Variants in HDLBP observed in about 807,000 individuals in gnomAD.
The protein encoded by HDLBP is vigilin.
HDLBP carries 30 observed loss-of-function variants against 137.3 expected under a neutral mutation model. The observed-to-expected ratio is 0.22, with a 90% confidence interval of 0.16 to 0.30. The LOEUF (loss-of-function observed/expected upper bound fraction) is 0.30. HDLBP is among the 10% of genes least tolerant of loss of function. The pLI is 1.00. For synonymous variants in HDLBP, 606 were observed against 596.0 expected (o/e 1.02, Z -0.24); for missense variants, 1,119 against 1,667.3 (o/e 0.67, Z 5.73).
Position 241,242,772 on chromosome 2 carries a change from C to G in HDLBP, c.1951-94G>C, listed in dbSNP as rs374474594. On this transcript the variant is annotated intron_variant, in intron 16 of 27. Coordinates refer to ENST00000310931, the MANE Select transcript of HDLBP (RefSeq NM_005336.6). ...AACTATCATCTTTGGTGGTGATGAACACGCAGGCCTAGAGCCCTGGAGATG... is the reference window on the plus strand; with the variant it reads ...AACTATCATCTTTGGTGGTGATGAAGACGCAGGCCTAGAGCCCTGGAGATG... 37 of 1,109,882 alleles carry G rather than the reference C, an allele frequency of 3.3e-5. No homozygotes were observed. The African/African-American group carries it at 5.4e-4, about 16-fold the overall frequency. 68.8% of individuals were successfully genotyped at this position (1,109,882 alleles called of 1,614,324 possible).
chr2:241,287,619 T>C (rs907931968), intron 1 of HDLBP, among the ~76,000 whole-genome samples: 2 of 152,084 alleles, frequency 1.3e-5, no homozygotes, highest in Non-Finnish European at 2.9e-5. Flanking sequence ...GACAGGATTT[T>C]ACCACATTGG....
At chr2:241,302,068 C>A (rs2075413776) in intron 1 of HDLBP, among the ~76,000 whole-genome samples, 1 of 149,548 alleles carries the variant, frequency 6.7e-6, no homozygotes, top group African/African-American at 2.5e-5. Context: ...GAGTGAGACC[C>A]CCCACAACTC....
intron 1 of HDLBP, among the ~76,000 whole-genome samples, chr2:241,276,359 C>G (rs1030954289): frequency 1.3e-5 from 2 of 152,062 alleles, no homozygotes; most frequent in South Asian, 4.1e-4. Flanking sequence ...TTACGATGTA[C>G]ATTATTACTG....
intron 12 of HDLBP, chr2:241,249,223 C>T (rs913076835): frequency 5.2e-5 from 23 of 438,648 alleles, no homozygotes; most frequent in Admixed American, 5.1e-4. Context: ...ATCCCCTAAG[C>T]GAATGACAGG....
At chr2:241,299,911 T>C (rs374535623) in intron 1 of HDLBP, among the ~76,000 whole-genome samples, 1 of 75,132 alleles carries the variant, frequency 1.3e-5, no homozygotes. Flanking sequence ...CGAGATTCCG[T>C]CTCAAACAAA....
Position 241,262,629 on chromosome 2 carries a change from G to C in HDLBP, c.450+82C>G, listed in dbSNP as rs545106517. On this transcript the variant is annotated intron_variant, in intron 5 of 27. Transcript: ENST00000310931. ...CTGTCCCACTGGTAGGAAGGGTCCA[G>C]TGACGTTCTAGCCTGCATCAGGAGC... The C allele has an allele frequency of 2.6e-5, 27 of 1,052,700 alleles. No homozygotes were observed. The Admixed American group carries it at 4.4e-4, about 17-fold the overall frequency. The allele number at this position is 1,052,700 out of a possible 1,614,324, so 65.2% of individuals were successfully genotyped here. A position where few individuals can be genotyped will look rare whatever the true frequency, so the allele number is the denominator to read the frequency against.
chr2:241,300,303 C>G (rs1450571821), intron 1 of HDLBP, among the ~76,000 whole-genome samples: 1 of 152,150 alleles, frequency 6.6e-6, no homozygotes, highest in Non-Finnish European at 1.5e-5. Context: ...GTACACTGCC[C>G]TAAAAGACGA....
At chr2:241,268,351 C>A in intron 2 of HDLBP, 126 bp downstream of exon 2, 1 of 539,940 alleles carries the variant, frequency 1.9e-6, no homozygotes, top group Non-Finnish European at 2.4e-6. Context: ...TGACGAACCA[C>A]GAGAAACTTG....
intron 1 of HDLBP, among the ~76,000 whole-genome samples, chr2:241,287,388 T>C (rs1050126621): frequency 6.6e-6 from 1 of 151,058 alleles, no homozygotes; most frequent in East Asian, 2.0e-4. Flanking sequence ...ATTACAGGCA[T>C]AAGCCACCGC....
At chr2:241,267,510 T>C in intron 2 of HDLBP, 2 of 1,447,754 alleles carry the variant, frequency 1.4e-6, no homozygotes, top group East Asian at 2.5e-5. Flanking sequence ...GCTCCAGGCA[T>C]AGATCAACAC....
intron 1 of HDLBP, among the ~76,000 whole-genome samples, chr2:241,290,164 A>C (rs1225184501): frequency 6.6e-6 from 1 of 152,208 alleles, no homozygotes; most frequent in African/African-American, 2.4e-5. Context: ...TTCTGTAAGA[A>C]AGAGTCAGAA....
At chr2:241,312,325 T>C (rs936992694) in intron 1 of HDLBP, among the ~76,000 whole-genome samples, 1 of 152,242 alleles carries the variant, frequency 6.6e-6, no homozygotes, top group Admixed American at 6.5e-5. Context: ...AACTTCAGTG[T>C]GCTTGGTAAA....
chr2:241,229,905 G>A lies in HDLBP; in HGVS notation c.3648C>T (p.His1216=), dbSNP rs763446242. 40 of 1,598,670 alleles carry A rather than the reference G, an allele frequency of 2.5e-5. No homozygotes were observed. Among genetic ancestry groups the A allele is most frequent in the Non-Finnish European group, 3.2e-5 (37 of 1,172,074 alleles). ...ALQVYMKPPA[H]EEAKAPSRGF... ...CTCTGGAAGGTGCCTTGGCCTCTTC[G>A]TGTGCTGGGGGTTTCATGTATACCT... is the stretch of plus-strand genomic sequence containing the variant. Residue 1216 remains histidine (H), a synonymous_variant, in exon 27 of 28, where the codon CAC becomes CAT. Transcript: ENST00000310931.
At chr2:241,283,636 G>A (rs563623639) in intron 1 of HDLBP, among the ~76,000 whole-genome samples, 11 of 150,640 alleles carry the variant, frequency 7.3e-5, no homozygotes, top group African/African-American at 1.7e-4. Context: ...CACCACGCCC[G>A]GCTAATTTTT....
intron 23 of HDLBP, among the ~76,000 whole-genome samples, chr2:241,234,292 CAG>C (rs1194432274): frequency 5.9e-5 from 9 of 152,200 alleles, no homozygotes; most frequent in Non-Finnish European, 7.3e-5. Context: ...ATTTGTCAAA[CAG>C]GGATCTGATG....
chr2:241,297,996 C>T (rs953266298), intron 1 of HDLBP, among the ~76,000 whole-genome samples: 1 of 128,652 alleles, frequency 7.8e-6, no homozygotes, highest in Non-Finnish European at 1.6e-5. Context: ...TGCAGTGAGC[C>T]GAGAGCTCGC....
intron 9 of HDLBP, among the ~76,000 whole-genome samples, chr2:241,254,312 T>G (rs1297982024): frequency 6.6e-6 from 1 of 152,130 alleles, no homozygotes; most frequent in Non-Finnish European, 1.5e-5. Flanking sequence ...AAAAGGACTG[T>G]AACATTAATT....
chr2:241,286,093 ATT>A (rs1467343228), intron 1 of HDLBP, among the ~76,000 whole-genome samples: 2 of 152,208 alleles, frequency 1.3e-5, no homozygotes, highest in Non-Finnish European at 2.9e-5. Context: ...AGTTTCTTAA[ATT>A]TTTGTTCCAC....
chr2:241,292,025 G>A (rs1426107716), intron 1 of HDLBP, among the ~76,000 whole-genome samples: 2 of 152,162 alleles, frequency 1.3e-5, no homozygotes, highest in African/African-American at 2.4e-5. Flanking sequence ...ACTAAATAAC[G>A]GGTACAAGCA....
Sources: allele counts gnomAD v4.1 joint callset (sites outside exome capture counted in the v4.1 genomes callset), GRCh38; gene constraint gnomAD v4.1.1; transcripts MANE v1.5; gene names NCBI Gene and HGNC (gene_info 2026-07-23, HGNC 2026-07-21).